TCF12: variants seen among roughly 807,000 people sequenced by gnomAD.
The protein encoded by TCF12 is DNA-binding protein HTF4.
A neutral mutation model predicts 86.0 loss-of-function variants in TCF12; 45 were observed. The observed-to-expected ratio is 0.52, with a 90% CI of 0.41 to 0.67. The LOEUF is 0.67. TCF12 is among the 30% of genes least tolerant of loss of function. The pLI, the probability that TCF12 is intolerant of heterozygous loss-of-function variation, is 0.00. For missense variants in TCF12, 881 were observed against 859.9 expected, an observed-to-expected ratio of 1.02 and a Z score of -0.31; for synonymous variants, 330 against 299.6, an observed-to-expected ratio of 1.10 and a Z score of -1.05.
intron 3 of TCF12, among the ~76,000 whole-genome samples, chr15:57,033,582 G>A (rs1487554407): frequency 8.6e-5 from 13 of 151,984 alleles, no homozygotes; most frequent in African/African-American, 3.1e-4. Context: ...CAACAGTTTG[G>A]CTTATTATGG....
At position 56,989,726 on chromosome 15, in the gene TCF12, G is replaced by A. The variant is rs1330251969; in HGVS notation, c.148+68628G>A. 3.9e-5 allele frequency among the ~76,000 whole-genome samples: 6 copies of A among 152,150 alleles called. No homozygotes were observed. In the South Asian group the frequency reaches 6.2e-4, roughly 16 times the overall value. On this transcript the variant is annotated intron_variant, in intron 3 of 20. Coordinates refer to ENST00000333725, the MANE Select transcript of TCF12 (RefSeq NM_207037.2). Reference sequence around the variant, plus strand: ...GACTTAGTAAAGTATAGTACTTTTTGTCTCCCTAGTAGAAGTATTAACTGA... The same window carrying A: ...GACTTAGTAAAGTATAGTACTTTTTATCTCCCTAGTAGAAGTATTAACTGA...
intron 3 of TCF12, among the ~76,000 whole-genome samples, chr15:56,964,508 C>T (rs116470951): frequency 0.011 from 1,692 of 152,248 alleles, 22 homozygotes; most frequent in African/African-American, 0.038. Context: ...AGATGTATCT[C>T]CTGCCTGGCA....
At chr15:57,165,840 A>G (rs1365854446) in intron 5 of TCF12, among the ~76,000 whole-genome samples, 1 of 152,004 alleles carries the variant, frequency 6.6e-6, no homozygotes, top group Non-Finnish European at 1.5e-5. Context: ...CTGGCCCAAT[A>G]CTGTATTAAT....
chr15:56,977,223 T>G (rs2062652586), intron 3 of TCF12, among the ~76,000 whole-genome samples: 1 of 152,058 alleles, frequency 6.6e-6, no homozygotes, highest in African/African-American at 2.4e-5. Context: ...GGGAAAATTT[T>G]TTTGTTTGTT....
rs141294066 is a variant in TCF12 at position 57,203,963 on chromosome 15, C to T, written c.579+6138C>T. On this transcript the variant is annotated intron_variant, in intron 8 of 20. Coordinates refer to ENST00000333725, the MANE Select transcript of TCF12 (RefSeq NM_207037.2). The stretch of plus-strand genomic sequence containing the variant: ...CCCACCATGTTCACTCCATTGCACT[C>T]CAGCCTGGGTGACAGAGGAAGAGTC... Among the ~76,000 whole-genome samples the T allele has an allele frequency of 9.6e-3, 1,461 of 152,298 alleles. 11 individuals are homozygous for T. Among genetic ancestry groups the T allele is most frequent in the Middle Eastern group, 0.017 (5 of 294 alleles).
intron 11 of TCF12, 150 bp downstream of exon 11, chr15:57,233,006 ATGTGTT>A: frequency 2.4e-6 from 1 of 410,122 alleles, no homozygotes; most frequent in Non-Finnish European, 3.6e-6. Flanking sequence ...ATATGTATAT[ATGTGTT>A]ATATATGTAT....
intron 6 of TCF12, among the ~76,000 whole-genome samples, chr15:57,185,427 A>G (rs2056610474): frequency 6.6e-6 from 1 of 152,246 alleles, no homozygotes; most frequent in South Asian, 2.1e-4. Context: ...TTTAAGAAGA[A>G]GCAAGCACCA....
rs557181466 is a variant in TCF12, at chr15:56,988,096, C to T, written c.148+66998C>T. On this transcript the variant is annotated intron_variant, in intron 3 of 20. Transcript: ENST00000333725. ...ATTATTAAACAAGAACATTAAAATACGATTCAAAATTGTTTAATTGTACCT... is the reference window on the plus strand; with the variant it reads ...ATTATTAAACAAGAACATTAAAATATGATTCAAAATTGTTTAATTGTACCT... 3.4e-4 allele frequency among the ~76,000 whole-genome samples: 51 copies of T among 152,122 alleles called. 1 individual carries two copies. Among genetic ancestry groups the T allele is most frequent in the East Asian group, 1.9e-4 (1 of 5,194 alleles).
intron 3 of TCF12, among the ~76,000 whole-genome samples, chr15:57,005,848 G>A (rs1567237762): frequency 1.3e-5 from 2 of 152,194 alleles, no homozygotes; most frequent in Admixed American, 6.5e-5. Flanking sequence ...GAGATTACAG[G>A]TGTGAGCTAC....
chr15:57,217,550 G>GT (rs1343195529), intron 8 of TCF12, among the ~76,000 whole-genome samples: 1 of 152,104 alleles, frequency 6.6e-6, no homozygotes, highest in Admixed American at 6.6e-5. Flanking sequence ...ATAGGTGGAT[G>GT]TTTTTTAACC....
chr15:56,992,961 C>T (rs1301086534), intron 3 of TCF12, among the ~76,000 whole-genome samples: 1 of 152,186 alleles, frequency 6.6e-6, no homozygotes, highest in Admixed American at 6.5e-5. Context: ...CCGTCTTTCT[C>T]ACTGAATGCA....
At chr15:57,282,072 A>T in intron 19 of TCF12, 3 of 278,876 alleles carry the variant, frequency 1.1e-5, no homozygotes, top group African/African-American at 2.3e-5. Context: ...TCTCTCTCTA[A>T]GTACAAGATG....
upstream of TCF12, chr15:56,918,220 C>T (rs1419265050): frequency 2.2e-6 from 1 of 456,316 alleles, no homozygotes; most frequent in Non-Finnish European, 4.4e-6. Context: ...GGAATGGCAG[C>T]CTTCAGTGTC....
intron 5 of TCF12, among the ~76,000 whole-genome samples, chr15:57,121,400 AT>A (rs1209198591): frequency 2.6e-5 from 4 of 152,210 alleles, no homozygotes; most frequent in African/African-American, 7.2e-5. Context: ...CTGCTCCAAA[AT>A]TCATGTTGAA....
chr15:57,048,054 T>G (rs1404737678), intron 3 of TCF12, among the ~76,000 whole-genome samples: 12 of 152,210 alleles, frequency 7.9e-5, no homozygotes, highest in African/African-American at 2.9e-4. Flanking sequence ...ATATATGCCT[T>G]CCATAGTTGT....
At chr15:57,216,563 TAAAA>T (rs5812872) in intron 8 of TCF12, among the ~76,000 whole-genome samples, 2 of 129,074 alleles carry the variant, frequency 1.5e-5, no homozygotes, top group Admixed American at 7.9e-5. Context: ...CATGTTCCTT[TAAAA>T]AAAAAAAAAA....
chr15:57,259,451 C>A (rs1375795010), intron 16 of TCF12, among the ~76,000 whole-genome samples: 1 of 152,204 alleles, frequency 6.6e-6, no homozygotes, highest in Non-Finnish European at 1.5e-5. Context: ...ATTCACAAGA[C>A]CTCTCTTATT....
intron 8 of TCF12, among the ~76,000 whole-genome samples, chr15:57,198,473 A>G (rs2057378912): frequency 6.6e-6 from 1 of 152,216 alleles, no homozygotes; most frequent in Non-Finnish European, 1.5e-5. Context: ...GAAGGTTGGA[A>G]AGGTTTGGTG....
intron 4 of TCF12, among the ~76,000 whole-genome samples, chr15:57,075,788 T>TCTCTCTCTC (rs1567370136): frequency 2.4e-5 from 1 of 41,834 alleles, no homozygotes; most frequent in African/African-American, 9.7e-5. Context: ...CTTTCTTTCT[T>TCTCTCTCTC]TCTTTCTTTC....
Sources: gnomAD v4.1 joint callset for allele counts (sites outside exome capture counted in the v4.1 genomes callset) on GRCh38, gnomAD v4.1.1 for gene constraint, MANE v1.5 for transcripts, NCBI Gene and HGNC (gene_info 2026-07-23, HGNC 2026-07-21) for gene names.